AADAT: variants seen among roughly 807,000 people sequenced by gnomAD.
AADAT encodes aminoadipate aminotransferase.
AADAT carries 25 observed loss-of-function variants against 56.2 expected under a neutral mutation model. The ratio of observed to expected loss-of-function variants is 0.44; its 90% CI spans 0.32 to 0.62. The LOEUF is 0.62. Ranked by LOEUF, AADAT falls within the 20% of genes least tolerant of loss-of-function variation. AADAT has a pLI of 0.04. For synonymous variants in AADAT, 173 were observed against 164.7 expected (o/e 1.05, Z -0.39); for missense variants, 387 against 510.5 (o/e 0.76, Z 2.33).
chr4:170,077,353 T>G (rs1732090130), intron 4 of AADAT, among the ~76,000 whole-genome samples: 1 of 152,174 alleles, frequency 6.6e-6, no homozygotes. Flanking sequence ...TATTTGAGTT[T>G]TGCTTAATTT....
At position 170,060,963 on chromosome 4, in the gene AADAT, G is replaced by C. The variant is rs1220181330; in HGVS notation, c.1243C>G (p.Gln415Glu). 1 of 1,530,070 alleles carries C rather than the reference G, an allele frequency of 6.5e-7. No individual in the cohort carries two copies. Among genetic ancestry groups the C allele is most frequent in the Admixed American group, 2.0e-5 (1 of 49,260 alleles). The allele number at this position is 1,530,070 out of a possible 1,614,324, so 94.8% of individuals were successfully genotyped here. A position where few individuals can be genotyped will look rare whatever the true frequency, so the allele number is the denominator to read the frequency against. ...TCTTTTATAAGTTGTGCTAATACCT[G>C]GAAGGCCTAAAACAGAAAAAAAAAA... ...ASPEQMDVAF[Q>E]VLAQLIKESL is the part of the protein sequence containing the mutation. Residue 415 changes from glutamine (Q) to glutamate (E), a missense_variant, in exon 13 of 13, where the codon CAG becomes GAG. Physicochemically the swap from Gln to Glu is conservative, Grantham distance 29. Coordinates refer to ENST00000337664, the MANE Select transcript of AADAT (RefSeq NM_016228.4).
intron 3 of AADAT, among the ~76,000 whole-genome samples, chr4:170,085,902 A>T: frequency 6.6e-6 from 1 of 152,160 alleles, no homozygotes; most frequent in East Asian, 1.9e-4. Flanking sequence ...GAAAAAGAAA[A>T]CTACTCTGGT....
intron 5 of AADAT, among the ~76,000 whole-genome samples, chr4:170,071,008 G>GCTCAAGTGATTCTCCTGC (rs1455792613): frequency 2.0e-5 from 3 of 152,214 alleles, no homozygotes; most frequent in Admixed American, 6.5e-5. Flanking sequence ...TGCCTCCTGG[G>GCTCAAGTGATTCTCCTGC]CTCAAGTGAT....
At chr4:170,068,206 A>C (rs1231484718) in intron 8 of AADAT, among the ~76,000 whole-genome samples, 1 of 152,034 alleles carries the variant, frequency 6.6e-6, no homozygotes, top group Non-Finnish European at 1.5e-5. Context: ...TAACAGATAC[A>C]AAAAATATGA....
chr4:170,063,231 A>G lies in AADAT; in HGVS notation c.1135-1238T>C, dbSNP rs548846835. ...ACTAGAAGCAAGGAGCTGAAAGAGA[A>G]GGGAGTGGTGGTAATCTCTTCACAA... On this transcript the variant is annotated intron_variant, in intron 11 of 12. Coordinates refer to ENST00000337664, the MANE Select transcript of AADAT (RefSeq NM_016228.4). 2.0e-5 allele frequency among the ~76,000 whole-genome samples: 3 copies of G among 152,348 alleles called. No individual in the cohort carries two copies. In the South Asian group the frequency reaches 6.2e-4, roughly 32 times the overall value.
chr4:170,076,712 T>C (rs180760491), intron 4 of AADAT, among the ~76,000 whole-genome samples: 3 of 152,202 alleles, frequency 2.0e-5, no homozygotes, highest in South Asian at 4.1e-4. Context: ...CACAACCACT[T>C]TTAAATCTTC....
chr4:170,062,116 A>C, intron 11 of AADAT, 123 bp from the exon 12 acceptor site: 1 of 531,480 alleles, frequency 1.9e-6, no homozygotes, highest in African/African-American at 1.9e-5. Context: ...AAGAAATCAC[A>C]AGAAAAAATA....
upstream of AADAT, among the ~76,000 whole-genome samples, chr4:170,091,966 GTATC>G (rs1481185030): frequency 1.3e-5 from 2 of 152,200 alleles, no homozygotes; most frequent in Non-Finnish European, 2.9e-5. Context: ...TTAGCACTCT[GTATC>G]TAACTAATCT....
At chr4:170,078,693 A>T (rs1732156239) in intron 3 of AADAT, 110 bp from the exon 4 acceptor site, 1 of 641,856 alleles carries the variant, frequency 1.6e-6, no homozygotes, top group Non-Finnish European at 2.6e-6. Flanking sequence ...AGTAAGAATT[A>T]GCAAATTGTT....
At chr4:170,069,073 C>A in intron 7 of AADAT, 75 bp downstream of exon 7, 1 of 1,296,410 alleles carries the variant, frequency 7.7e-7, no homozygotes, top group South Asian at 1.4e-5. Context: ...AAAAAATTGT[C>A]TAGACTAAAA....
intron 3 of AADAT, among the ~76,000 whole-genome samples, chr4:170,085,414 G>A (rs1004465734): frequency 6.6e-6 from 1 of 152,124 alleles, no homozygotes; most frequent in African/African-American, 2.4e-5. Context: ...AGATGAGAGA[G>A]AAACACAGGA....
Position 170,060,784 on chromosome 4 carries a change from A to G in AADAT, c.*144T>C. On this transcript the variant is annotated 3_prime_UTR_variant, in exon 13 of 13. Transcript: ENST00000337664. ...GGTCTTGTTCTGCCATGCAGGCCAG[A>G]GTGCATGCAGGCCAGAGTGCAGTGG... is the stretch of plus-strand genomic sequence containing the variant. 1 of 489,688 alleles carries G rather than the reference A, an allele frequency of 2.0e-6. No individual in the cohort carries two copies. The highest frequency in any genetic ancestry group is 4.9e-5 in the South Asian group (1 of 20,494). The allele number at this position is 489,688 out of a possible 1,614,324, so 30.3% of individuals were successfully genotyped here. A position where few individuals can be genotyped will look rare whatever the true frequency, so the allele number is the denominator to read the frequency against.
chr4:170,091,762 C>T (rs1417062849), upstream of AADAT: 1 of 152,248 alleles, frequency 6.6e-6, no homozygotes, highest in Non-Finnish European at 1.5e-5. Flanking sequence ...CAATCAGCAC[C>T]CTGTGTCTAG....
At chr4:170,086,627 A>G (rs1732578100) in intron 3 of AADAT, among the ~76,000 whole-genome samples, 1 of 152,222 alleles carries the variant, frequency 6.6e-6, no homozygotes, top group African/African-American at 2.4e-5. Flanking sequence ...AATCAAACGT[A>G]ACTTGAATTT....
intron 3 of AADAT, among the ~76,000 whole-genome samples, chr4:170,084,654 G>GT (rs1732466596): frequency 6.6e-6 from 1 of 152,158 alleles, no homozygotes. Context: ...ACCACAAACA[G>GT]TAGGGCCATT....
chr4:170,092,548 C>T (rs1035184160), upstream of AADAT, among the ~76,000 whole-genome samples: 5 of 152,222 alleles, frequency 3.3e-5, no homozygotes, highest in African/African-American at 1.2e-4. Context: ...TTCTTGATGT[C>T]AGTGAGACCA....
Position 170,073,215 on chromosome 4 carries a change from T to C in AADAT, c.575A>G (p.Lys192Arg), listed in dbSNP as rs891439256. ...GCCATTTGGAACAGTATAAAGAAAT[T>C]TGGGGGTGTTTTTCTGGGGATTCTT... ...DAKNPQKNTP[K>R]FLYTVPNGNN... Residue 192 changes from lysine (K) to arginine (R), a missense_variant, in exon 5 of 13, where the codon AAA becomes AGA. Physicochemically the swap from Lys to Arg is conservative, Grantham distance 26 (BLOSUM62 2). Coordinates refer to ENST00000337664, the MANE Select transcript of AADAT (RefSeq NM_016228.4). 1 of 1,614,038 alleles carries C rather than the reference T, an allele frequency of 6.2e-7. No homozygotes were observed. Among genetic ancestry groups the C allele is most frequent in the East Asian group, 2.2e-5 (1 of 44,870 alleles).
intron 2 of AADAT, 98 bp downstream of exon 2, chr4:170,088,298 G>C (rs1280015284): frequency 2.4e-6 from 3 of 1,253,372 alleles, no homozygotes; most frequent in Non-Finnish European, 3.2e-6. Flanking sequence ...ATTTATGAAT[G>C]GACCTTAGAA....
chr4:170,077,462 G>A (rs1432065544), intron 4 of AADAT, among the ~76,000 whole-genome samples: 1 of 151,760 alleles, frequency 6.6e-6, no homozygotes, highest in East Asian at 1.9e-4. Context: ...TATTACAAAT[G>A]GAATTGTTTT....
Sources: allele counts gnomAD v4.1 joint callset (sites outside exome capture counted in the v4.1 genomes callset), GRCh38; gene constraint gnomAD v4.1.1; transcripts MANE v1.5; gene names NCBI Gene and HGNC (gene_info 2026-07-23, HGNC 2026-07-21).